Variants in CTCF observed in about 807,000 individuals in gnomAD.
The protein encoded by CTCF is transcriptional repressor CTCF.
A neutral mutation model predicts 72.3 loss-of-function variants in CTCF; 7 were observed. The observed-to-expected ratio is 0.10, with a 90% CI of 0.06 to 0.18. The LOEUF is 0.18. Among genes scored for constraint, CTCF ranks in the 10% least tolerant of loss-of-function variants. The probability of loss-of-function intolerance (pLI) is 1.00; values close to 1 mark genes in which losing one functional copy is unlikely to be tolerated. For missense variants in CTCF, 516 were observed against 949.1 expected (o/e 0.54, Z 6.00); for synonymous variants, 374 against 315.8 (o/e 1.18, Z -1.95).
rs762060506 is a variant in CTCF, at chr16:67,636,803, C to T, written c.1951C>T (p.Arg651Trp). 3 of 1,599,838 alleles carry T rather than the reference C, an allele frequency of 1.9e-6. No homozygotes were observed. Among genetic ancestry groups the T allele is most frequent in the East Asian group, 2.3e-5 (1 of 43,868 alleles). The change falls in exon 11 of 12, where the codon CGG (arginine) becomes TGG (tryptophan). Residue 651 changes from arginine (R) to tryptophan (W), a missense_variant. Transcript: ENST00000264010. ...CCCAGCCCCACCACCCGCCAAGAAG[C>T]GGAGAGGACGACCCCCTGGCAGAAC... ...VTPAPPPAKKRRGRPPGRTNQ... is the reference protein window; with the variant it reads ...VTPAPPPAKKWRGRPPGRTNQ...
At chr16:67,627,351 G>T (rs2052303308) in intron 8 of CTCF, 1 of 152,042 alleles carries the variant, frequency 6.6e-6, no homozygotes, top group Non-Finnish European at 1.5e-5. Context: ...AAATTAGCCG[G>T]GCATGGTGAT....
chr16:67,613,608 G>A (rs1292745355), intron 4 of CTCF, among the ~76,000 whole-genome samples: 1 of 152,000 alleles, frequency 6.6e-6, no homozygotes, highest in African/African-American at 2.4e-5. Flanking sequence ...AACCGCCTCT[G>A]TACTGAAAAT....
intron 2 of CTCF, among the ~76,000 whole-genome samples, chr16:67,588,233 A>G (rs192673677): frequency 1.3e-5 from 2 of 152,332 alleles, no homozygotes; most frequent in African/African-American, 2.4e-5. Context: ...CAAAATTCAT[A>G]AAAGTACCTG....
At chr16:67,579,423 A>T (rs2051549874) in intron 2 of CTCF, among the ~76,000 whole-genome samples, 1 of 150,938 alleles carries the variant, frequency 6.6e-6, no homozygotes, top group African/African-American at 2.4e-5. Flanking sequence ...CAGTGCCGTG[A>T]TCTCGGCTCA....
chr16:67,636,794 G>T lies in CTCF; in HGVS notation c.1942G>T (p.Ala648Ser), dbSNP rs749826586. 1.9e-6 allele frequency: 3 copies of T among 1,601,424 alleles called. No individual in the cohort carries two copies. The East Asian group carries it at 6.8e-5, about 36-fold the overall frequency. Residue 648 changes from alanine to serine, a missense_variant, in exon 11 of 12, where the codon GCC (alanine) becomes TCC (serine). This residue lies in a region of CTCF where 157 missense variants were observed against 172.9 expected (regional missense o/e 0.91). Coordinates refer to ENST00000264010, the MANE Select transcript of CTCF (RefSeq NM_006565.4). ...PQPVTPAPPP[A>S]KKRRGRPPGR... The stretch of plus-strand genomic sequence containing the variant: ...GCCTGTGACCCCAGCCCCACCACCC[G>T]CCAAGAAGCGGAGAGGACGACCCCC...
intron 2 of CTCF, among the ~76,000 whole-genome samples, chr16:67,609,686 C>T (rs1242235116): frequency 4.0e-5 from 6 of 150,150 alleles, no homozygotes; most frequent in African/African-American, 7.4e-5. Context: ...TGCAGTGGCG[C>T]GATCTTGGCT....
intron 2 of CTCF, among the ~76,000 whole-genome samples, chr16:67,581,225 G>C (rs2051577101): frequency 6.6e-6 from 1 of 152,172 alleles, no homozygotes; most frequent in South Asian, 2.1e-4. Context: ...ACTGCACCTG[G>C]CCCGGCCTTA....
intron 1 of CTCF, among the ~76,000 whole-genome samples, chr16:67,569,708 C>T (rs1440460203): frequency 6.6e-6 from 1 of 150,494 alleles, no homozygotes; most frequent in Non-Finnish European, 1.5e-5. Flanking sequence ...TTTAATGAGA[C>T]GGAGTCTAGC....
chr16:67,589,224 G>A (rs1165541538), intron 2 of CTCF, among the ~76,000 whole-genome samples: 3 of 152,116 alleles, frequency 2.0e-5, no homozygotes, highest in African/African-American at 7.2e-5. Context: ...TTGATCCCAG[G>A]AGTTCAAGGC....
intron 7 of CTCF, among the ~76,000 whole-genome samples, chr16:67,624,274 C>T (rs1256458774): frequency 6.6e-6 from 1 of 151,926 alleles, no homozygotes; most frequent in Non-Finnish European, 1.5e-5. Context: ...ACATCCCTCA[C>T]AGTCTTCTCC....
At chr16:67,621,214 G>A in intron 6 of CTCF, 1 of 447,476 alleles carries the variant, frequency 2.2e-6, no homozygotes, top group East Asian at 3.1e-5. Flanking sequence ...TTGCTGTAAT[G>A]TGGAGGATTC....
intron 4 of CTCF, among the ~76,000 whole-genome samples, chr16:67,613,179 A>G (rs969670105): frequency 2.6e-5 from 4 of 152,318 alleles, no homozygotes; most frequent in South Asian, 2.1e-4. Context: ...TTCCTGAGCT[A>G]TTTGTTATCC....
chr16:67,592,572 G>C (rs970445519), intron 2 of CTCF, among the ~76,000 whole-genome samples: 1 of 152,058 alleles, frequency 6.6e-6, no homozygotes, highest in African/African-American at 2.4e-5. Flanking sequence ...CGGCATGGTG[G>C]CATGCGCCTG....
intron 2 of CTCF, among the ~76,000 whole-genome samples, chr16:67,588,717 C>T (rs2051700312): frequency 6.6e-6 from 1 of 152,098 alleles, no homozygotes. Context: ...TACAGATTCT[C>T]ACTCTGTACC....
chr16:67,565,103 G>A (rs1477606364), intron 1 of CTCF, among the ~76,000 whole-genome samples: 1 of 151,760 alleles, frequency 6.6e-6, no homozygotes, highest in Non-Finnish European at 1.5e-5. Context: ...CCGGATTCAA[G>A]CAATTCTCCT....
At chr16:67,617,605 C>T (rs562921491) in intron 5 of CTCF, among the ~76,000 whole-genome samples, 97 of 152,150 alleles carry the variant, frequency 6.4e-4, no homozygotes, top group Non-Finnish European at 1.1e-3. Context: ...TCACTTGAAC[C>T]CGGGAGGTGG....
At chr16:67,592,106 A>G (rs1296743084) in intron 2 of CTCF, among the ~76,000 whole-genome samples, 1 of 151,892 alleles carries the variant, frequency 6.6e-6, no homozygotes, top group Non-Finnish European at 1.5e-5. Context: ...TTCAGTCAAC[A>G]TTTTTCTAAT....
At chr16:67,578,043 C>A (rs1156918029) in intron 2 of CTCF, among the ~76,000 whole-genome samples, 1 of 152,106 alleles carries the variant, frequency 6.6e-6, no homozygotes, top group African/African-American at 2.4e-5. Flanking sequence ...TATTAATAGT[C>A]TGGTGTGTTG....
intron 2 of CTCF, among the ~76,000 whole-genome samples, chr16:67,591,290 T>C (rs1485645286): frequency 6.6e-6 from 1 of 152,146 alleles, no homozygotes; most frequent in African/African-American, 2.4e-5. Flanking sequence ...AGACTCTGTC[T>C]CAAAAAATAA....
Sources: gnomAD v4.1 joint callset for allele counts (sites outside exome capture counted in the v4.1 genomes callset) on GRCh38, gnomAD v4.1.1 for gene constraint, gnomAD v4.1.1 regional missense constraint, MANE v1.5 for transcripts, NCBI Gene and HGNC (gene_info 2026-07-23, HGNC 2026-07-21) for gene names.